The following CNBD1 variants were observed in gnomAD, a reference collection of about 807,000 sequenced individuals.
The protein encoded by CNBD1 is cyclic nucleotide binding domain containing 1, also known as cyclic nucleotide-binding domain-containing protein 1.
A neutral mutation model predicts 54.4 loss-of-function variants in CNBD1; 71 were observed. That is an observed-to-expected ratio of 1.30 (90% CI 1.08 to 1.59). The LOEUF is 1.59. Among genes scored for constraint, CNBD1 ranks in the 40% most tolerant of loss-of-function variants. The pLI is 0.00. For missense variants in CNBD1, 659 were observed against 518.0 expected (o/e 1.27, Z -2.64); for synonymous variants, 182 against 170.7 (o/e 1.07, Z -0.51).
chr8:87,141,754 G>A (rs919744387), intron 4 of CNBD1, among the ~76,000 whole-genome samples: 2 of 152,004 alleles, frequency 1.3e-5, no homozygotes, highest in African/African-American at 4.8e-5. Context: ...ATTAGAAAAG[G>A]TCCTATAGGA....
intron 2 of CNBD1, among the ~76,000 whole-genome samples, chr8:87,410,957 T>C (rs930945902): frequency 5.9e-5 from 9 of 152,098 alleles, no homozygotes; most frequent in East Asian, 3.9e-4. Flanking sequence ...TATTTTTTAA[T>C]TGGTGTATGT....
In CNBD1 at chr8:87,419,129, G is replaced by A. The variant is rs1024807244; in HGVS notation, c.214-9417G>A. 2.0e-5 allele frequency among the ~76,000 whole-genome samples: 3 copies of A among 151,840 alleles called. No homozygotes were observed. In the South Asian group the frequency reaches 6.2e-4, roughly 31 times the overall value. ...TATATATTCATTCATAAAAATTAAT[G>A]AAGTACTGATTTATGCTACAAACAA... is the stretch of plus-strand genomic sequence containing the variant. On this transcript the variant is annotated intron_variant, in intron 2 of 7. Transcript: ENST00000521593.
chr8:87,385,273 C>A (rs1290261782), downstream of CNBD1, among the ~76,000 whole-genome samples: 1 of 152,042 alleles, frequency 6.6e-6, no homozygotes, highest in African/African-American at 2.4e-5. Flanking sequence ...ACGGTGGGTG[C>A]AGGACAGTGG....
At chr8:87,371,444 G>T (rs968620730) in intron 10 of CNBD1, among the ~76,000 whole-genome samples, 1 of 151,732 alleles carries the variant, frequency 6.6e-6, no homozygotes, top group African/African-American at 2.4e-5. Flanking sequence ...GGTCCTTCAC[G>T]TCCCTTGTAA....
chr8:87,218,353 G>A (rs1206722464), intron 5 of CNBD1, among the ~76,000 whole-genome samples: 1 of 152,016 alleles, frequency 6.6e-6, no homozygotes, highest in African/African-American at 2.4e-5. Flanking sequence ...TTTATTGCTA[G>A]ATGATAATCT....
intron 2 of CNBD1, among the ~76,000 whole-genome samples, chr8:87,416,872 A>C (rs1035612818): frequency 6.6e-6 from 1 of 152,038 alleles, no homozygotes; most frequent in Non-Finnish European, 1.5e-5. Flanking sequence ...GGATGTAAAA[A>C]TTCTCAACAA....
chr8:86,869,174 T>C (rs1808406375), intron 1 of CNBD1, among the ~76,000 whole-genome samples: 1 of 152,202 alleles, frequency 6.6e-6, no homozygotes, highest in African/African-American at 2.4e-5. Flanking sequence ...TAATACGTTT[T>C]TATTTTTTTA....
intron 1 of CNBD1, among the ~76,000 whole-genome samples, chr8:86,875,737 A>T (rs991495113): frequency 6.6e-6 from 1 of 152,122 alleles, no homozygotes; most frequent in Non-Finnish European, 1.5e-5. Context: ...TCTACTTACC[A>T]GCTTAAAAAA....
rs897436905 is a variant in CNBD1 at position 87,382,735 on chromosome 8, G to T, written c.*108G>T. On this transcript the variant is annotated 3_prime_UTR_variant, in exon 11 of 11. Coordinates refer to ENST00000518476, the MANE Select transcript of CNBD1 (RefSeq NM_173538.3). ...CTACCAGCAATGAATTTGGTCTATT[G>T]TGACTACATATCCTGGATTCCCCAG... 1.0e-5 allele frequency: 8 copies of T among 776,112 alleles called. No homozygotes were observed. Among genetic ancestry groups the T allele is most frequent in the African/African-American group, 1.7e-5 (1 of 57,286 alleles). 48.1% of individuals were successfully genotyped at this position (776,112 alleles called of 1,614,324 possible).
chr8:87,261,546 A>G (rs553639912), intron 6 of CNBD1, among the ~76,000 whole-genome samples: 27 of 151,050 alleles, frequency 1.8e-4, no homozygotes, highest in South Asian at 1.0e-3. Flanking sequence ...AAAAAAAAAA[A>G]AGAGAAATGA....
chr8:87,179,344 A>T (rs189909644), intron 4 of CNBD1, among the ~76,000 whole-genome samples: 1 of 152,318 alleles, frequency 6.6e-6, no homozygotes, highest in East Asian at 1.9e-4. Context: ...AAAACATTAG[A>T]TATAAGTACC....
In CNBD1 at chr8:86,866,561, TCCTCCACTTCACAGTATA is replaced by T; in HGVS notation, c.69_86del (p.Pro24_Pro29del). 6.2e-7 allele frequency: 1 copy of T among 1,610,492 alleles called. No individual in the cohort carries two copies. The highest frequency in any genetic ancestry group is 1.3e-5 in the African/African-American group (1 of 74,988). On this transcript the variant is annotated inframe_deletion, in exon 1 of 11. Transcript: ENST00000518476. ...TGACAGCTATTAACAATGTGCCTCC[TCCTCCACTTCACAGTATA>T]CCAAGTGAGTGGGAAATACTTTGAT... is the stretch of plus-strand genomic sequence containing the variant.
At chr8:87,419,837 A>G (rs1217860963) in intron 2 of CNBD1, among the ~76,000 whole-genome samples, 1 of 151,664 alleles carries the variant, frequency 6.6e-6, no homozygotes, top group Non-Finnish European at 1.5e-5. Context: ...CTAAAGGACA[A>G]GAGAGAAAAT....
chr8:87,352,283 A>T (rs1406924844), intron 9 of CNBD1, among the ~76,000 whole-genome samples: 2 of 152,102 alleles, frequency 1.3e-5, no homozygotes, highest in African/African-American at 4.8e-5. Context: ...GATCGAGACC[A>T]TCCTGGCCAA....
intron 6 of CNBD1, among the ~76,000 whole-genome samples, chr8:87,272,462 CT>C (rs1365600599): frequency 6.6e-6 from 1 of 151,908 alleles, no homozygotes; most frequent in Non-Finnish European, 1.5e-5. Flanking sequence ...ACTGAATCTT[CT>C]TTATAAGACT....
intron 4 of CNBD1, among the ~76,000 whole-genome samples, chr8:87,172,143 C>A (rs1048377285): frequency 3.3e-5 from 5 of 151,744 alleles, no homozygotes; most frequent in Admixed American, 2.0e-4. Flanking sequence ...TTCCAAAATT[C>A]TTCTTGTTAT....
intron 4 of CNBD1, among the ~76,000 whole-genome samples, chr8:87,039,049 C>T (rs535169044): frequency 2.6e-5 from 4 of 152,262 alleles, no homozygotes; most frequent in African/African-American, 7.2e-5. Flanking sequence ...TATTATCCAT[C>T]ATCTTTTCAT....
intron 8 of CNBD1, among the ~76,000 whole-genome samples, chr8:87,324,579 G>A (rs966227886): frequency 2.8e-5 from 4 of 144,962 alleles, no homozygotes; most frequent in African/African-American, 1.1e-4. Context: ...AGATTTTCTA[G>A]TTTATTTGCG....
chr8:87,327,610 C>G (rs1416625601), intron 8 of CNBD1, among the ~76,000 whole-genome samples: 1 of 152,212 alleles, frequency 6.6e-6, no homozygotes, highest in Non-Finnish European at 1.5e-5. Flanking sequence ...AAAGGGAACT[C>G]CCTGACCCCT....
Sources: gnomAD v4.1 joint callset for allele counts (sites outside exome capture counted in the v4.1 genomes callset) on GRCh38, gnomAD v4.1.1 for gene constraint, MANE v1.5 for transcripts, NCBI Gene and HGNC (gene_info 2026-07-23, HGNC 2026-07-21) for gene names.